Variants in CELF4 observed in about 807,000 individuals in gnomAD.
CELF4 encodes CUGBP Elav-like family member 4, also known as CUG-BP- and ETR-3-like factor 4.
CELF4 carries 18 observed loss-of-function variants against 59.9 expected under a neutral mutation model. That is an observed-to-expected ratio of 0.30 (90% CI 0.21 to 0.45). The LOEUF (loss-of-function observed/expected upper bound fraction) is 0.45, where lower values mean the gene tolerates loss of function less well. CELF4 is among the 20% of genes least tolerant of loss of function. The probability of loss-of-function intolerance (pLI) is 1.00; values close to 1 mark genes in which losing one functional copy is unlikely to be tolerated. For missense variants in CELF4, 456 were observed against 689.0 expected (o/e 0.66, Z 3.79); for synonymous variants, 261 against 267.1 (o/e 0.98, Z 0.22).
At chr18:37,553,202 A>G (rs62081462) in intron 1 of CELF4, among the ~76,000 whole-genome samples, 1 of 152,074 alleles carries the variant, frequency 6.6e-6, no homozygotes, top group East Asian at 1.9e-4. Context: ...TTTTTTTAAA[A>G]TTGGATAAGA....
rs568364651 is a variant in CELF4, at chr18:37,309,728, T to A, written c.448+12075A>T. ...GCGCGCCCTGGGATGTCAGCAGCAA[T>A]GAGATTCATGGTTTACCAAATCTGG... is the stretch of plus-strand genomic sequence containing the variant. On this transcript the variant is annotated intron_variant, in intron 3 of 12. Transcript: ENST00000420428. 9.2e-5 allele frequency among the ~76,000 whole-genome samples: 14 copies of A among 151,942 alleles called. No individual in the cohort carries two copies. In the South Asian group the frequency reaches 2.9e-3, roughly 32 times the overall value.
intron 1 of CELF4, among the ~76,000 whole-genome samples, chr18:37,545,738 G>A (rs560451543): frequency 4.9e-5 from 7 of 143,210 alleles, no homozygotes; most frequent in African/African-American, 2.0e-4. Flanking sequence ...ACTCTCATAT[G>A]CGTGTGTGTG....
At chr18:37,251,822 G>T (rs1183483578) in intron 12 of CELF4, among the ~76,000 whole-genome samples, 1 of 152,180 alleles carries the variant, frequency 6.6e-6, no homozygotes, top group Admixed American at 6.5e-5. Context: ...ATTCATCCTT[G>T]CATCCCCCAC....
At chr18:37,261,242 C>T (rs1404205367) in intron 10 of CELF4, among the ~76,000 whole-genome samples, 3 of 151,926 alleles carry the variant, frequency 2.0e-5, no homozygotes, top group Non-Finnish European at 4.4e-5. Context: ...CCTCCAGCCC[C>T]CCCCACACCT....
At chr18:37,508,210 G>T (rs2099940351) in intron 1 of CELF4, among the ~76,000 whole-genome samples, 2 of 152,218 alleles carry the variant, frequency 1.3e-5, no homozygotes, top group Non-Finnish European at 2.9e-5. Flanking sequence ...GCATCTCTAA[G>T]GCCAGACTAA....
At chr18:37,302,953 G>A (rs2096161931) in intron 3 of CELF4, among the ~76,000 whole-genome samples, 1 of 152,154 alleles carries the variant, frequency 6.6e-6, no homozygotes, top group South Asian at 2.1e-4. Flanking sequence ...GGAGGGGTGG[G>A]AGAGGAGAGT....
chr18:37,346,548 G>C (rs902997291), intron 2 of CELF4, among the ~76,000 whole-genome samples: 1 of 152,196 alleles, frequency 6.6e-6, no homozygotes, highest in African/African-American at 2.4e-5. Flanking sequence ...ATGAAGACAC[G>C]CCAGGAGGTG....
chr18:37,516,516 C>A (rs963577680), intron 1 of CELF4, among the ~76,000 whole-genome samples: 6 of 152,202 alleles, frequency 3.9e-5, no homozygotes, highest in African/African-American at 7.2e-5. Context: ...GGGTCTTTCA[C>A]ACAAAATATA....
chr18:37,470,672 T>C (rs1326773326), intron 2 of CELF4, among the ~76,000 whole-genome samples: 1 of 152,092 alleles, frequency 6.6e-6, no homozygotes, highest in African/African-American at 2.4e-5. Flanking sequence ...GCCCTCCTCA[T>C]GGATCAAACT....
In CELF4 at chr18:37,487,635, G is replaced by A. The variant is rs901918348; in HGVS notation, c.287-2028C>T. On this transcript the variant is annotated intron_variant, in intron 1 of 12. Transcript: ENST00000420428. ...TTCTCCCGGGGGCGTCTTTCCTCCC[G>A]TCCCCTTGTTGGCCTTGTCCTCTGC... Among the ~76,000 whole-genome samples the A allele has an allele frequency of 4.6e-5, 7 of 152,216 alleles. No homozygotes were observed. In the East Asian group the frequency reaches 5.8e-4, roughly 13 times the overall value.
At chr18:37,355,784 GT>G (rs1355073636) in intron 2 of CELF4, among the ~76,000 whole-genome samples, 3 of 152,214 alleles carry the variant, frequency 2.0e-5, no homozygotes, top group Non-Finnish European at 4.4e-5. Flanking sequence ...GGAGGAGGTG[GT>G]TTCTGAGACC....
rs773439825 is a variant in CELF4, at chr18:37,270,759, T to G, written c.1099+9A>C. The G allele has an allele frequency of 1.2e-6, 2 of 1,613,698 alleles. No individual in the cohort carries two copies. Among genetic ancestry groups the G allele is most frequent in the Non-Finnish European group, 1.7e-6 (2 of 1,179,914 alleles). ...GCATACGGAAATAAGTGCTGACAGA[T>G]GTGCTTACCTGGGTAGGGGTGGATG... On this transcript the variant is annotated intron_variant, in intron 8 of 12. Coordinates refer to ENST00000420428, the MANE Select transcript of CELF4 (RefSeq NM_020180.4).
chr18:37,485,476 G>GC, intron 2 of CELF4, 49 bp downstream of exon 2: 2 of 1,182,292 alleles, frequency 1.7e-6, no homozygotes, highest in Admixed American at 4.0e-5. Flanking sequence ...TCCCGAAGTC[G>GC]CCCCCTGTCG....
chr18:37,308,855 G>T (rs907027667), intron 3 of CELF4, among the ~76,000 whole-genome samples: 5 of 152,184 alleles, frequency 3.3e-5, no homozygotes, highest in Non-Finnish European at 5.9e-5. Context: ...GCCTGGTCAG[G>T]TTGGTTCTCA....
intron 1 of CELF4, among the ~76,000 whole-genome samples, chr18:37,500,615 G>A (rs2099930614): frequency 6.7e-6 from 1 of 150,204 alleles, no homozygotes; most frequent in South Asian, 2.1e-4. Context: ...CTCACTGCAA[G>A]CTCCGCCTCC....
intron 3 of CELF4, among the ~76,000 whole-genome samples, chr18:37,299,449 G>A (rs1386922134): frequency 6.6e-6 from 1 of 152,034 alleles, no homozygotes; most frequent in Non-Finnish European, 1.5e-5. Context: ...TATGGGGGCC[G>A]GGCAGAACTG....
chr18:37,325,995 C>A (rs1311751374), intron 2 of CELF4, among the ~76,000 whole-genome samples: 2 of 152,190 alleles, frequency 1.3e-5, no homozygotes, highest in Non-Finnish European at 2.9e-5. Context: ...AGGCTCTGTA[C>A]AGGTGGCCCT....
chr18:37,396,876 C>T (rs1044104250), intron 2 of CELF4, among the ~76,000 whole-genome samples: 1 of 152,174 alleles, frequency 6.6e-6, no homozygotes, highest in Non-Finnish European at 1.5e-5. Flanking sequence ...CTTTGTACCT[C>T]CCCAGCATGT....
intron 2 of CELF4, among the ~76,000 whole-genome samples, chr18:37,393,656 G>A (rs1181849703): frequency 1.3e-5 from 2 of 152,188 alleles, no homozygotes; most frequent in Non-Finnish European, 2.9e-5. Flanking sequence ...ACTGGGTGGG[G>A]CTGGCTTTTG....
Sources: gnomAD v4.1 joint callset for allele counts (sites outside exome capture counted in the v4.1 genomes callset) on GRCh38, gnomAD v4.1.1 for gene constraint, MANE v1.5 for transcripts, NCBI Gene and HGNC (gene_info 2026-07-23, HGNC 2026-07-21) for gene names.